HACD1: variants seen among roughly 807,000 people sequenced by gnomAD.
HACD1 encodes very-long-chain (3R)-3-hydroxyacyl-CoA dehydratase 1.
A neutral mutation model predicts 32.0 loss-of-function variants in HACD1; 41 were observed. That is an observed-to-expected ratio of 1.28 (90% CI 1.00 to 1.66). The LOEUF is 1.66. HACD1 is among the 40% of genes most tolerant of loss of function. The pLI is 0.00. For synonymous variants in HACD1, 142 were observed against 139.0 expected (o/e 1.02, Z -0.15); for missense variants, 396 against 380.1 (o/e 1.04, Z -0.35).
chr10:17,591,253 G>C (rs1223433535), intron 6 of HACD1, among the ~76,000 whole-genome samples: 2 of 152,102 alleles, frequency 1.3e-5, no homozygotes, highest in Non-Finnish European at 2.9e-5. Flanking sequence ...TGGCTATCCT[G>C]TTTTCTCAGG....
intron 5 of HACD1, among the ~76,000 whole-genome samples, chr10:17,598,452 C>T (rs1036956380): frequency 1.3e-5 from 2 of 152,070 alleles, no homozygotes; most frequent in Non-Finnish European, 2.9e-5. Context: ...TGGTGGCTCA[C>T]ACCTATAATC....
intron 5 of HACD1, among the ~76,000 whole-genome samples, chr10:17,597,390 G>A (rs1202898504): frequency 2.6e-5 from 4 of 152,134 alleles, no homozygotes; most frequent in Non-Finnish European, 5.9e-5. Context: ...CGCCCACCTT[G>A]GCCTCCCAAA....
At chr10:17,592,381 C>T (rs909640403) in intron 6 of HACD1, among the ~76,000 whole-genome samples, 1 of 152,020 alleles carries the variant, frequency 6.6e-6, no homozygotes, top group Admixed American at 6.6e-5. Context: ...TCAAAAAGTA[C>T]TTTTAATTAG....
chr10:17,607,725 G>A (rs1374229046), intron 1 of HACD1, among the ~76,000 whole-genome samples: 1 of 152,100 alleles, frequency 6.6e-6, no homozygotes, highest in African/African-American at 2.4e-5. Flanking sequence ...TATCATGATC[G>A]TGCCACTCAC....
At chr10:17,601,694 C>T (rs1554816536) in intron 4 of HACD1, among the ~76,000 whole-genome samples, 1 of 152,130 alleles carries the variant, frequency 6.6e-6, no homozygotes, top group Non-Finnish European at 1.5e-5. Flanking sequence ...TAATGCTGTC[C>T]TCCTGCTTTT....
In HACD1 at chr10:17,607,717, T is replaced by A. The variant is rs149606001; in HGVS notation, c.258-3670A>T. ...CAGTATTGTACCACCTAGCATAGTA[T>A]CATGATCGTGCCACTCACTAAACTG... On this transcript the variant is annotated intron_variant, in intron 1 of 6. Coordinates refer to ENST00000361271, the MANE Select transcript of HACD1 (RefSeq NM_014241.4). 9.1e-4 allele frequency among the ~76,000 whole-genome samples: 138 copies of A among 152,288 alleles called. 2 individuals are homozygous for A. Among genetic ancestry groups the A allele is most frequent in the African/African-American group, 3.2e-3 (133 of 41,562 alleles).
At chr10:17,608,277 C>T (rs1371142801) in intron 1 of HACD1, among the ~76,000 whole-genome samples, 5 of 152,126 alleles carry the variant, frequency 3.3e-5, no homozygotes, top group Non-Finnish European at 7.4e-5. Flanking sequence ...ATCTGCCTGC[C>T]TCAGTCTCCC....
chr10:17,600,302 T>C (rs1459141186), intron 4 of HACD1, among the ~76,000 whole-genome samples: 2 of 152,174 alleles, frequency 1.3e-5, no homozygotes, highest in African/African-American at 2.4e-5. Flanking sequence ...CCCTGAGCAG[T>C]TATTTGCTCA....
intron 6 of HACD1, among the ~76,000 whole-genome samples, chr10:17,590,971 G>A (rs574669270): frequency 1.3e-5 from 2 of 152,152 alleles, no homozygotes; most frequent in South Asian, 2.1e-4. Flanking sequence ...CACTGCGCCC[G>A]GCCTATTTTT....
chr10:17,616,506 A>G, intron 1 of HACD1, among the ~76,000 whole-genome samples: 1 of 152,138 alleles, frequency 6.6e-6, no homozygotes, highest in East Asian at 1.9e-4. Context: ...TCATACTCAA[A>G]GCCAAAAATC....
At chr10:17,612,730 C>T (rs1444339908) in intron 1 of HACD1, among the ~76,000 whole-genome samples, 1 of 151,696 alleles carries the variant, frequency 6.6e-6, no homozygotes, top group Non-Finnish European at 1.5e-5. Flanking sequence ...ACCAACCTGG[C>T]CAACACGGTG....
chr10:17,594,167 C>T, intron 6 of HACD1, 38 bp downstream of exon 6: 1 of 1,313,398 alleles, frequency 7.6e-7, no homozygotes, highest in Non-Finnish European at 9.9e-7. Context: ...ATTTCCACAT[C>T]ATATGTCAAA....
intron 6 of HACD1, 35 bp from the exon 7 acceptor site, chr10:17,590,481 A>G: frequency 1.4e-6 from 2 of 1,469,858 alleles, no homozygotes; most frequent in Non-Finnish European, 1.9e-6. Context: ...AAAACAAGCT[A>G]TTGCTTTAAA....
chr10:17,596,066 T>C (rs1833991720), intron 5 of HACD1, among the ~76,000 whole-genome samples: 1 of 152,150 alleles, frequency 6.6e-6, no homozygotes, highest in East Asian at 1.9e-4. Flanking sequence ...GAAAAAGAAA[T>C]CAAATTAATC....
Position 17,589,906 on chromosome 10 carries a change from A to AT in HACD1, c.*457dup, listed in dbSNP as rs45529933. 0.57 allele frequency: 86,518 copies of AT among 151,934 alleles called. 24,768 individuals are homozygous for AT. The highest frequency in any genetic ancestry group is 0.67 in the Middle Eastern group (198 of 294). The allele number at this position is 151,934 out of a possible 1,614,324, so 9.4% of individuals were successfully genotyped here. ...CTGTTATTAGTCATAATGCTGCCTT[A>AT]TTCCTGAAAAAATAGATTGTGGGTT... On this transcript the variant is annotated 3_prime_UTR_variant, in exon 7 of 7. Transcript: ENST00000361271.
At chr10:17,593,094 T>C (rs1554815710) in intron 6 of HACD1, among the ~76,000 whole-genome samples, 1 of 151,724 alleles carries the variant, frequency 6.6e-6, no homozygotes, top group East Asian at 2.0e-4. Context: ...CCCATGAACC[T>C]GAGAGGCAGC....
At chr10:17,598,259 C>CA (rs34543137) in intron 5 of HACD1, among the ~76,000 whole-genome samples, 24,436 of 89,408 alleles carry the variant, frequency 0.27, 3,277 homozygotes, top group East Asian at 0.47. Context: ...GACCCTGTCT[C>CA]AAAAAAAAAA....
intron 1 of HACD1, among the ~76,000 whole-genome samples, chr10:17,605,228 T>TA (rs1383372042): frequency 1.3e-5 from 2 of 151,988 alleles, no homozygotes; most frequent in African/African-American, 4.8e-5. Flanking sequence ...ACTTACACTT[T>TA]AAAAAGTTAA....
intron 5 of HACD1, among the ~76,000 whole-genome samples, chr10:17,598,282 G>GA (rs1260360948): frequency 7.5e-6 from 1 of 134,052 alleles, no homozygotes; most frequent in African/African-American, 2.9e-5. Context: ...AAAAAAAAGA[G>GA]AAAAAAACCC....
Sources: allele counts gnomAD v4.1 joint callset (sites outside exome capture counted in the v4.1 genomes callset), GRCh38; gene constraint gnomAD v4.1.1; transcripts MANE v1.5; gene names NCBI Gene and HGNC (gene_info 2026-07-23, HGNC 2026-07-21).